The following MARK1 variants were observed in gnomAD, a reference collection of about 807,000 sequenced individuals.
MARK1 encodes the protein serine/threonine-protein kinase MARK1.
MARK1 carries 40 observed loss-of-function variants against 96.3 expected under a neutral mutation model. The ratio of observed to expected loss-of-function variants is 0.42; its 90% CI spans 0.32 to 0.54. The LOEUF (loss-of-function observed/expected upper bound fraction) is 0.54. Ranked by LOEUF, MARK1 falls within the 20% of genes least tolerant of loss-of-function variation. The pLI is 0.16. For missense variants in MARK1, 719 were observed against 984.6 expected, an observed-to-expected ratio of 0.73 and a Z score of 3.61; for synonymous variants, 317 against 341.2, an observed-to-expected ratio of 0.93 and a Z score of 0.78.
chr1:220,628,819 G>T (rs1266727335), intron 9 of MARK1, among the ~76,000 whole-genome samples: 2 of 151,874 alleles, frequency 1.3e-5, no homozygotes, highest in African/African-American at 4.8e-5. Context: ...GGGCATGGTG[G>T]CTCATGCCTA....
chr1:220,656,681 T>C (rs1431347381), intron 16 of MARK1, among the ~76,000 whole-genome samples: 1 of 152,226 alleles, frequency 6.6e-6, no homozygotes, highest in Non-Finnish European at 1.5e-5. Context: ...CATTGAATTT[T>C]TATTATACTT....
chr1:220,537,004 G>A (rs903378580), intron 1 of MARK1, among the ~76,000 whole-genome samples: 2 of 150,710 alleles, frequency 1.3e-5, no homozygotes, highest in African/African-American at 4.9e-5. Flanking sequence ...CAGTTTTTAA[G>A]TTCAGGGGTA....
intron 13 of MARK1, 106 bp downstream of exon 13, chr1:220,636,132 G>A: frequency 6.5e-6 from 5 of 770,184 alleles, no homozygotes; most frequent in East Asian, 3.0e-5. Flanking sequence ...AAATTTAAAG[G>A]GAATTATAAT....
Position 220,618,579 on chromosome 1 carries a change from C to A in MARK1, c.789+33C>A. ...CTAAATTCTTTATTAATGTTTTATC[C>A]CCAAGTATGATTATGTCAAAAACCA... is the stretch of plus-strand genomic sequence containing the variant. On this transcript the variant is annotated intron_variant, in intron 8 of 17. Coordinates refer to ENST00000366917, the MANE Select transcript of MARK1 (RefSeq NM_018650.5). This position sits in a 1 kb window ranked among gnomAD's most constrained non-coding sequence, Gnocchi z 4.6. 1 of 1,612,956 alleles carries A rather than the reference C, an allele frequency of 6.2e-7. No individual in the cohort carries two copies. Among genetic ancestry groups the A allele is most frequent in the Non-Finnish European group, 8.5e-7 (1 of 1,179,494 alleles).
intron 1 of MARK1, among the ~76,000 whole-genome samples, chr1:220,546,035 G>C (rs2102727202): frequency 6.6e-6 from 1 of 152,138 alleles, no homozygotes; most frequent in East Asian, 1.9e-4. Context: ...CCCCATCTTT[G>C]ATGTCTGAGT....
intron 1 of MARK1, among the ~76,000 whole-genome samples, chr1:220,566,473 T>C (rs1663063880): frequency 6.6e-6 from 1 of 152,204 alleles, no homozygotes; most frequent in African/African-American, 2.4e-5. Context: ...GAAACTATTA[T>C]TGGTCAAGCA....
At chr1:220,586,690 C>A (rs773235532) in intron 3 of MARK1, among the ~76,000 whole-genome samples, 16 of 152,148 alleles carry the variant, frequency 1.1e-4, no homozygotes, top group Non-Finnish European at 1.6e-4. Context: ...TTAAGATATA[C>A]TGAAATCAAT....
At chr1:220,613,049 C>T (rs559218844) in intron 6 of MARK1, among the ~76,000 whole-genome samples, 7 of 152,112 alleles carry the variant, frequency 4.6e-5, no homozygotes, top group Non-Finnish European at 1.0e-4. Flanking sequence ...GTGGTCTTAC[C>T]GTCAGTACCC....
intron 3 of MARK1, among the ~76,000 whole-genome samples, chr1:220,585,412 AAC>A (rs1308662943): frequency 6.6e-6 from 1 of 152,208 alleles, no homozygotes; most frequent in Non-Finnish European, 1.5e-5. Flanking sequence ...CTAAAATATC[AAC>A]AGTTTAAATG....
chr1:220,647,156 C>T (rs1219785836), intron 13 of MARK1, among the ~76,000 whole-genome samples: 1 of 152,166 alleles, frequency 6.6e-6, no homozygotes, highest in Non-Finnish European at 1.5e-5. Context: ...ATCTATCCAT[C>T]TGACAAAGGT....
chr1:220,535,298 G>A (rs1174362173), intron 1 of MARK1, among the ~76,000 whole-genome samples: 1 of 151,914 alleles, frequency 6.6e-6, no homozygotes, highest in African/African-American at 2.4e-5. Context: ...ATCTTACTGT[G>A]GTTTTGATTT....
intron 9 of MARK1, among the ~76,000 whole-genome samples, chr1:220,626,684 T>C (rs1204773415): frequency 6.6e-6 from 1 of 152,026 alleles, no homozygotes; most frequent in African/African-American, 2.4e-5. Context: ...TAGTCAGACA[T>C]GGTGGTGCAC....
At chr1:220,594,491 C>T (rs1665196254) in intron 3 of MARK1, among the ~76,000 whole-genome samples, 1 of 152,106 alleles carries the variant, frequency 6.6e-6, no homozygotes, top group African/African-American at 2.4e-5. Context: ...ACATATCTTA[C>T]CATATGATCC....
intron 1 of MARK1, among the ~76,000 whole-genome samples, chr1:220,540,936 C>T (rs1469773182): frequency 6.9e-6 from 1 of 145,562 alleles, no homozygotes; most frequent in Non-Finnish European, 1.5e-5. Context: ...AAGTCTCTCT[C>T]TTTTTTTTTT....
chr1:220,611,032 C>T (rs1054102671), intron 6 of MARK1, among the ~76,000 whole-genome samples: 5 of 152,176 alleles, frequency 3.3e-5, no homozygotes, highest in Non-Finnish European at 7.4e-5. Context: ...ATGGGGGTCA[C>T]GGACCCACTT....
At chr1:220,565,852 T>C (rs1432635003) in intron 1 of MARK1, among the ~76,000 whole-genome samples, 2 of 152,158 alleles carry the variant, frequency 1.3e-5, no homozygotes, top group Non-Finnish European at 2.9e-5. Context: ...AAGCTTACCA[T>C]GTAGATGAAA....
chr1:220,596,089 G>A (rs1053650517), intron 3 of MARK1, among the ~76,000 whole-genome samples: 5 of 152,134 alleles, frequency 3.3e-5, no homozygotes, highest in African/African-American at 1.2e-4. Flanking sequence ...TATAAATGTT[G>A]GGATGATAAA....
chr1:220,585,647 TCCC>T (rs1664545286), intron 3 of MARK1, among the ~76,000 whole-genome samples: 1 of 152,148 alleles, frequency 6.6e-6, no homozygotes. Context: ...TTTGCTAATA[TCCC>T]TCAAATTAAA....
At chr1:220,638,687 T>A (rs896355640) in intron 13 of MARK1, among the ~76,000 whole-genome samples, 2 of 151,996 alleles carry the variant, frequency 1.3e-5, no homozygotes, top group Non-Finnish European at 2.9e-5. Flanking sequence ...ATCATTTTTT[T>A]AAAAAAAACA....
Sources: gnomAD v4.1 joint callset for allele counts (sites outside exome capture counted in the v4.1 genomes callset) on GRCh38, gnomAD v4.1.1 for gene constraint, Gnocchi (gnomAD v3.1) non-coding constraint, MANE v1.5 for transcripts, NCBI Gene and HGNC (gene_info 2026-07-23, HGNC 2026-07-21) for gene names.